The following RIPPLY3 variants were observed in gnomAD, a reference collection of about 807,000 sequenced individuals.
The protein encoded by RIPPLY3 is protein ripply3.
RIPPLY3 carries 8 observed loss-of-function variants against 11.9 expected under a neutral mutation model. The observed-to-expected ratio is 0.67, with a 90% CI of 0.40 to 1.21. The LOEUF (loss-of-function observed/expected upper bound fraction) is 1.21, where lower values mean the gene tolerates loss of function less well. Ranked by LOEUF, RIPPLY3 falls within the 50% of genes most tolerant of loss-of-function variation. The probability of loss-of-function intolerance (pLI) is 0.01; values close to 1 mark genes in which losing one functional copy is unlikely to be tolerated. For missense variants in RIPPLY3, 271 were observed against 246.0 expected (o/e 1.10, Z -0.68); for synonymous variants, 102 against 99.0 (o/e 1.03, Z -0.18).
At chr21:37,015,761 C>T (rs763238180) in intron 3 of RIPPLY3, among the ~76,000 whole-genome samples, 1 of 151,936 alleles carries the variant, frequency 6.6e-6, no homozygotes, top group Non-Finnish European at 1.5e-5. Flanking sequence ...CTCTGTTGCC[C>T]AGGCTGGAGT....
chr21:37,008,340 C>G, intron 2 of RIPPLY3, 117 bp downstream of exon 2: 1 of 1,015,116 alleles, frequency 9.9e-7, no homozygotes. Context: ...GGCGTCTAAC[C>G]CAGGAGCGCC....
At chr21:37,010,765 G>C (rs558106697) in intron 2 of RIPPLY3, among the ~76,000 whole-genome samples, 69 of 152,162 alleles carry the variant, frequency 4.5e-4, no homozygotes, top group Non-Finnish European at 9.0e-4. Flanking sequence ...CTTAGCCCTA[G>C]CCCGGTCAGA....
In RIPPLY3 at chr21:37,008,139, T is replaced by C; in HGVS notation, c.105-18T>C. Reference sequence around the variant, plus strand: ...GAAGTGCCCAGGGTTCACTCTCTCCTGGCGCTTGCCGTTCCAGCCCCGCGC... The same window carrying C: ...GAAGTGCCCAGGGTTCACTCTCTCCCGGCGCTTGCCGTTCCAGCCCCGCGC... On this transcript the variant is annotated intron_variant, in intron 1 of 3. Transcript: ENST00000329553. The C allele has an allele frequency of 6.2e-7, 1 of 1,613,976 alleles. No homozygotes were observed. The highest frequency in any genetic ancestry group is 8.5e-7 in the Non-Finnish European group (1 of 1,179,848).
intron 2 of RIPPLY3, among the ~76,000 whole-genome samples, chr21:37,011,929 CAAAAAAAAAA>C (rs59382996): frequency 4.9e-4 from 23 of 47,104 alleles, no homozygotes; most frequent in East Asian, 1.7e-3. Context: ...GACTCCGTCT[CAAAAAAAAAA>C]AAAAAAAAAA....
intron 3 of RIPPLY3, 99 bp from the exon 4 acceptor site, chr21:37,017,775 G>C (rs2069593183): frequency 1.1e-6 from 1 of 928,180 alleles, no homozygotes; most frequent in Non-Finnish European, 1.6e-6. Context: ...CAGAAAGGAA[G>C]ACTGGGGAGT....
At chr21:37,009,459 CAGATAAA>C (rs1359156897) in intron 2 of RIPPLY3, among the ~76,000 whole-genome samples, 11 of 152,116 alleles carry the variant, frequency 7.2e-5, no homozygotes, top group Admixed American at 7.2e-4. Context: ...AAGAAGGAAG[CAGATAAA>C]AGATAAATCA....
rs376039288 is a variant in RIPPLY3, at chr21:37,017,854, A to G, written c.240-20A>G. On this transcript the variant is annotated intron_variant, in intron 3 of 3. Transcript: ENST00000329553. ...CGAGGTTCAGGTTGATTAATGGTAT[A>G]TTTGTTTCTTAAATATTAGAGTCTA... 1.3e-6 allele frequency: 2 copies of G among 1,582,212 alleles called. No individual in the cohort carries two copies. The highest frequency in any genetic ancestry group is 2.7e-5 in the African/African-American group (2 of 74,004).
chr21:37,008,851 G>A (rs1200070247), intron 2 of RIPPLY3, among the ~76,000 whole-genome samples: 3 of 151,954 alleles, frequency 2.0e-5, no homozygotes, highest in African/African-American at 7.3e-5. Flanking sequence ...GCAACAGGTC[G>A]GGAGGGGAGG....
upstream of RIPPLY3, chr21:37,006,694 G>C: frequency 1.1e-6 from 1 of 949,704 alleles, no homozygotes; most frequent in Non-Finnish European, 1.4e-6. The surrounding 1 kb of genome is among the most constrained non-coding windows in gnomAD (Gnocchi z 5.2). Context: ...GCGCGGGTAG[G>C]TGAGCGCGTT....
intron 3 of RIPPLY3, among the ~76,000 whole-genome samples, chr21:37,017,152 CAAAAAA>C (rs552999886): frequency 0.012 from 1,267 of 106,868 alleles, 18 homozygotes; most frequent in African/African-American, 0.043. Flanking sequence ...GACTCCCTTT[CAAAAAA>C]AAAAAAAAAA....
chr21:37,015,823 C>T (rs1260553867), intron 3 of RIPPLY3, among the ~76,000 whole-genome samples: 1 of 151,664 alleles, frequency 6.6e-6, no homozygotes, highest in African/African-American at 2.4e-5. Flanking sequence ...AGGCTTCCAT[C>T]TCGGCCTCTG....
rs983977195 is a variant in RIPPLY3 at position 37,018,439 on chromosome 21, A to G, written c.*232A>G. ...GCCTTTGAGAAAGGATTCTAGGAGA[A>G]AGAGAAGGTCTATGTCAACAGAGTT... On this transcript the variant is annotated 3_prime_UTR_variant, in exon 4 of 4. Transcript: ENST00000329553. 1 of 556,514 alleles carries G rather than the reference A, an allele frequency of 1.8e-6. No individual in the cohort carries two copies. Among genetic ancestry groups the G allele is most frequent in the African/African-American group, 1.9e-5 (1 of 53,196 alleles). 34.5% of individuals were successfully genotyped at this position (556,514 alleles called of 1,614,324 possible).
intron 2 of RIPPLY3, among the ~76,000 whole-genome samples, chr21:37,009,276 G>C (rs1453543569): frequency 6.6e-6 from 1 of 151,430 alleles, no homozygotes; most frequent in Non-Finnish European, 1.5e-5. Context: ...GAAGAATTAG[G>C]CTGGGAAAGA....
intron 3 of RIPPLY3, among the ~76,000 whole-genome samples, chr21:37,015,852 G>T (rs571871242): frequency 6.6e-6 from 1 of 150,498 alleles, no homozygotes; most frequent in African/African-American, 2.4e-5. Context: ...GGGACTACAG[G>T]TACAAACCAC....
At chr21:37,016,931 G>A (rs1219456662) in intron 3 of RIPPLY3, among the ~76,000 whole-genome samples, 9 of 152,098 alleles carry the variant, frequency 5.9e-5, no homozygotes, top group Admixed American at 2.0e-4. Context: ...CGAGCTGGGC[G>A]AATCATTTGA....
At chr21:37,010,669 C>T (rs764702758) in intron 2 of RIPPLY3, among the ~76,000 whole-genome samples, 3 of 152,146 alleles carry the variant, frequency 2.0e-5, no homozygotes, top group South Asian at 2.1e-4. Context: ...TGGCCACTTG[C>T]GGGCACTGTC....
At chr21:37,013,444 G>A (rs1601097967) in intron 2 of RIPPLY3, 107 bp from the exon 3 acceptor site, 1 of 839,226 alleles carries the variant, frequency 1.2e-6, no homozygotes, top group Non-Finnish European at 1.9e-6. Context: ...AATTGGTATT[G>A]ATATGACCAA....
upstream of RIPPLY3, chr21:37,006,308 C>T (rs904655868): frequency 2.0e-5 from 3 of 153,456 alleles, no homozygotes; most frequent in African/African-American, 7.2e-5. The surrounding 1 kb of genome is among the most constrained non-coding windows in gnomAD (Gnocchi z 5.2). Flanking sequence ...CCTCGCTTTC[C>T]TCTCCCGGGT....
intron 1 of RIPPLY3, 29 bp from the exon 2 acceptor site, chr21:37,008,128 T>C (rs759102483): frequency 6.2e-7 from 1 of 1,612,434 alleles, no homozygotes; most frequent in Non-Finnish European, 8.5e-7. Context: ...TGCCCAGGGT[T>C]CACTCTCTCC....
Sources: allele counts gnomAD v4.1 joint callset (sites outside exome capture counted in the v4.1 genomes callset), GRCh38; gene constraint gnomAD v4.1.1; non-coding constraint Gnocchi (gnomAD v3.1); transcripts MANE v1.5; gene names NCBI Gene and HGNC (gene_info 2026-07-23, HGNC 2026-07-21).